The following GLRA2 variants were observed in gnomAD, a reference collection of about 807,000 sequenced individuals.
GLRA2 encodes the protein glycine receptor alpha 2.
Under a neutral mutation model 31.6 loss-of-function variants are expected in GLRA2, and 11 were observed. The ratio of observed to expected loss-of-function variants is 0.35; its 90% CI spans 0.22 to 0.58. The LOEUF (loss-of-function observed/expected upper bound fraction) is 0.58, where lower values mean the gene tolerates loss of function less well. Among genes scored for constraint, GLRA2 ranks in the 20% least tolerant of loss-of-function variants. The pLI, the probability that GLRA2 is intolerant of heterozygous loss-of-function variation, is 0.84. For missense variants in GLRA2, 212 were observed against 351.8 expected (o/e 0.60, Z 3.18); for synonymous variants, 132 against 134.0 (o/e 0.99, Z 0.10).
intron 7 of GLRA2, among the ~76,000 whole-genome samples, chrX:14,646,091 C>T (rs935101902): frequency 4.5e-5 from 5 of 111,803 alleles, no homozygotes; most frequent in African/African-American, 1.6e-4. Flanking sequence ...TGTACCAAGC[C>T]CTCTTCTAAA....
intron 7 of GLRA2, among the ~76,000 whole-genome samples, chrX:14,659,402 C>G (rs1357120006): frequency 8.9e-6 from 1 of 112,313 alleles, no homozygotes; most frequent in Non-Finnish European, 1.9e-5. Context: ...ATTTACCAAT[C>G]TAACAAAAAT....
At chrX:14,520,874 C>T in the GLRA2 span, among the ~76,000 whole-genome samples, 1,787 of 112,991 alleles carry the variant, frequency 0.016, 33 homozygotes, top group African/African-American at 0.055. Flanking sequence ...AGTACCAATG[C>T]TTGTAGCAGC....
chrX:14,518,720 A>C, the GLRA2 span, among the ~76,000 whole-genome samples: 1 of 110,135 alleles, frequency 9.1e-6, no homozygotes, highest in Non-Finnish European at 1.9e-5. Context: ...CTGACATAAG[A>C]CATCAGGTGG....
chrX:14,577,706 C>T (rs2089972281), intron 3 of GLRA2, among the ~76,000 whole-genome samples: 1 of 111,202 alleles, frequency 9.0e-6, no homozygotes, highest in African/African-American at 3.3e-5. Flanking sequence ...CTCATCACCA[C>T]CCAAAGGCCC....
At chrX:14,699,418 G>C (rs1256018123) in intron 8 of GLRA2, among the ~76,000 whole-genome samples, 2 of 111,975 alleles carry the variant, frequency 1.8e-5, no homozygotes, top group African/African-American at 3.2e-5. Context: ...CTAATGACAA[G>C]TTGCCTTTTA....
At chrX:14,459,095 A>G in the GLRA2 span, among the ~76,000 whole-genome samples, 1 of 112,082 alleles carries the variant, frequency 8.9e-6, no homozygotes, top group Non-Finnish European at 1.9e-5. Flanking sequence ...GCATATAGCT[A>G]GCCAGTTTTC....
chrX:14,595,542 T>C (rs913108735), intron 4 of GLRA2, among the ~76,000 whole-genome samples: 6 of 111,932 alleles, frequency 5.4e-5, no homozygotes, highest in African/African-American at 1.9e-4. Flanking sequence ...AAAATTTCAT[T>C]CCTTGCCTGC....
chrX:14,681,910 A>AAAAT (rs758563376), intron 7 of GLRA2, among the ~76,000 whole-genome samples: 6 of 41,274 alleles, frequency 1.5e-4, no homozygotes, highest in East Asian at 7.8e-4. Context: ...AAAAAAAAAA[A>AAAAT]ATATATATAT....
At chrX:14,643,405 T>C (rs1240848780) in intron 7 of GLRA2, among the ~76,000 whole-genome samples, 1 of 111,847 alleles carries the variant, frequency 8.9e-6, no homozygotes, top group Non-Finnish European at 1.9e-5. Flanking sequence ...TGCATTCTTT[T>C]AAATGGCTGA....
rs781344657 is a variant in GLRA2, at chrX:14,621,877, A to G, written c.930+12672A>G. Among the ~76,000 whole-genome samples the G allele has an allele frequency of 7.2e-3, 814 of 112,327 alleles. 2 individuals are homozygous for G. The highest frequency in any genetic ancestry group is 0.013 in the Non-Finnish European group (694 of 53,238). On this transcript the variant is annotated intron_variant, in intron 7 of 8. Coordinates refer to ENST00000218075, the MANE Select transcript of GLRA2 (RefSeq NM_002063.4). The stretch of plus-strand genomic sequence containing the variant: ...TTTATAATCCTTTGGGTATATACCC[A>G]GTAATGGGATGGCTGGGTCAAATGG...
chrX:14,629,684 T>C (rs1016134965), intron 7 of GLRA2, among the ~76,000 whole-genome samples: 2 of 112,157 alleles, frequency 1.8e-5, no homozygotes, highest in African/African-American at 6.5e-5. Flanking sequence ...TCCTACCTTC[T>C]TTTGGATATC....
intron 7 of GLRA2, among the ~76,000 whole-genome samples, chrX:14,681,492 C>T (rs976063171): frequency 2.7e-5 from 3 of 111,318 alleles, no homozygotes; most frequent in Non-Finnish European, 3.8e-5. Flanking sequence ...GCACTATTTG[C>T]TAGGTCCTGT....
At chrX:14,576,012 G>C (rs1303339756) in intron 3 of GLRA2, among the ~76,000 whole-genome samples, 1 of 106,941 alleles carries the variant, frequency 9.4e-6, no homozygotes, top group African/African-American at 3.4e-5. Flanking sequence ...GTTTGACTAA[G>C]TATTATGGTG....
chrX:14,667,319 T>G (rs2091046348), intron 7 of GLRA2, among the ~76,000 whole-genome samples: 1 of 112,382 alleles, frequency 8.9e-6, no homozygotes, highest in South Asian at 3.7e-4. Context: ...AATACTTTTT[T>G]TCTATAAAGA....
the GLRA2 span, among the ~76,000 whole-genome samples, chrX:14,505,985 C>T: frequency 9.0e-6 from 1 of 111,497 alleles, no homozygotes; most frequent in East Asian, 2.8e-4. Context: ...TGCAACATTA[C>T]ACCGATTTTT....
intron 2 of GLRA2, among the ~76,000 whole-genome samples, chrX:14,546,061 TA>T (rs2089475552): frequency 9.0e-6 from 1 of 111,487 alleles, no homozygotes; most frequent in South Asian, 3.8e-4. Context: ...CTCCAAAATC[TA>T]AGGTCACAGT....
chrX:14,550,287 G>A (rs2089541945), intron 2 of GLRA2, among the ~76,000 whole-genome samples: 1 of 106,265 alleles, frequency 9.4e-6, no homozygotes. Flanking sequence ...ATTAAGATGA[G>A]AAGGGTACAT....
chrX:14,675,378 A>G (rs762349569), intron 7 of GLRA2, among the ~76,000 whole-genome samples: 4 of 111,702 alleles, frequency 3.6e-5, no homozygotes, highest in Non-Finnish European at 7.5e-5. Context: ...ACCATAATGG[A>G]GAGAAATGTA....
chrX:14,586,584 G>A (rs2090083464), intron 4 of GLRA2, among the ~76,000 whole-genome samples: 1 of 112,200 alleles, frequency 8.9e-6, no homozygotes. Flanking sequence ...TCTAAATTCA[G>A]AGAGAGTCAA....
Sources: allele counts gnomAD v4.1 joint callset (sites outside exome capture counted in the v4.1 genomes callset), GRCh38; gene constraint gnomAD v4.1.1; transcripts MANE v1.5; gene names NCBI Gene and HGNC (gene_info 2026-07-23, HGNC 2026-07-21).